The following MIOS variants were observed in gnomAD, a reference collection of about 807,000 sequenced individuals.
MIOS encodes the protein meiosis regulator for oocyte development, also known as GATOR2 complex protein MIOS.
A neutral mutation model predicts 96.9 loss-of-function variants in MIOS; 52 were observed. That is an observed-to-expected ratio of 0.54 (90% CI 0.43 to 0.68). The LOEUF is 0.68. MIOS is among the 30% of genes least tolerant of loss of function. The probability of loss-of-function intolerance (pLI) is 0.00; values close to 1 mark genes in which losing one functional copy is unlikely to be tolerated. For synonymous variants in MIOS, 397 were observed against 359.5 expected, an observed-to-expected ratio of 1.10 and a Z score of -1.18; for missense variants, 1,005 against 1,052.8, an observed-to-expected ratio of 0.95 and a Z score of 0.63.
In MIOS at chr7:7,608,176, T is replaced by G. The variant is rs1344247897; in HGVS notation, c.*1084T>G. 1 of 145,502 alleles carries G rather than the reference T, an allele frequency of 6.9e-6. No homozygotes were observed. Among genetic ancestry groups the G allele is most frequent in the Non-Finnish European group, 1.5e-5 (1 of 65,848 alleles). 9.0% of individuals were successfully genotyped at this position (145,502 alleles called of 1,614,324 possible). ...ACTTTATTTAAAACATTTTTTTTTC[T>G]CATTTCATAGCTAGATAGTTGTAAG... On this transcript the variant is annotated 3_prime_UTR_variant, in exon 13 of 13. Coordinates refer to ENST00000340080, the MANE Select transcript of MIOS (RefSeq NM_019005.4).
chr7:7,585,558 C>A, intron 6 of MIOS, 78 bp from the exon 7 acceptor site: 1 of 1,317,198 alleles, frequency 7.6e-7, no homozygotes, highest in South Asian at 1.9e-5. Context: ...CCTCTGATTT[C>A]TATTTATGGT....
rs755446215 is a variant in MIOS at position 7,574,215 on chromosome 7, A to C, written c.1393+19A>C. On this transcript the variant is annotated intron_variant, in intron 5 of 12. Coordinates refer to ENST00000340080, the MANE Select transcript of MIOS (RefSeq NM_019005.4). ...TCGTTGGGTAAGAAAATTCTATTTC[A>C]TTTTCTCCAATATGTTTATAACTTT... 3.3e-6 allele frequency: 5 copies of C among 1,533,588 alleles called. No individual in the cohort carries two copies. Among genetic ancestry groups the C allele is most frequent in the Non-Finnish European group, 3.6e-6 (4 of 1,117,068 alleles). 95.0% of individuals were successfully genotyped at this position (1,533,588 alleles called of 1,614,324 possible).
intron 5 of MIOS, among the ~76,000 whole-genome samples, chr7:7,574,989 G>A (rs540142452): frequency 5.9e-4 from 90 of 152,074 alleles, no homozygotes; most frequent in Non-Finnish European, 1.1e-3. Flanking sequence ...AAAATGCTCC[G>A]ATGAGCATTT....
chr7:7,585,798 G>C lies in MIOS; in HGVS notation c.1811G>C (p.Gly604Ala), dbSNP rs1376602464. 1.9e-6 allele frequency: 3 copies of C among 1,604,098 alleles called. No homozygotes were observed. Among genetic ancestry groups the C allele is most frequent in the South Asian group, 2.3e-5 (2 of 88,766 alleles). ...FLTSETGSYD[G>A]VLYENKVAVR... Reference sequence around the variant, plus strand: ...ACAAGTGAAACAGGATCTTACGATGGAGTTTTGGTAAGCTAACTTGTTTTT... The same window carrying C: ...ACAAGTGAAACAGGATCTTACGATGCAGTTTTGGTAAGCTAACTTGTTTTT... The change falls in exon 7 of 13, where the codon GGA becomes GCA. Residue 604 changes from glycine (G) to alanine (A), a missense_variant. By Grantham distance (60) the Gly-to-Ala change is moderately conservative. Transcript: ENST00000340080.
intron 11 of MIOS, among the ~76,000 whole-genome samples, chr7:7,598,386 C>G (rs148038788): frequency 6.6e-6 from 1 of 151,804 alleles, no homozygotes; most frequent in African/African-American, 2.4e-5. Flanking sequence ...ATTGGCTTAG[C>G]GATTATTTTT....
chr7:7,597,629 C>G (rs146622119), intron 11 of MIOS, among the ~76,000 whole-genome samples: 1 of 150,732 alleles, frequency 6.6e-6, no homozygotes, highest in African/African-American at 2.4e-5. Context: ...TACTCTGGTC[C>G]TAATAAACAG....
intron 12 of MIOS, among the ~76,000 whole-genome samples, 172 bp downstream of exon 12, chr7:7,606,243 G>A (rs1289722251): frequency 6.6e-6 from 1 of 152,166 alleles, no homozygotes. Flanking sequence ...GATATCCTAT[G>A]TAACCTTAAA....
In MIOS at chr7:7,585,430, T is replaced by TC. The variant is rs1234330954; in HGVS notation, c.1649-205dup. ...CAAACCCCCCCCTTTTTTTTTTTTT[T>TC]CAAGAGTAAAGTGCAACTTTATTAA... is the stretch of plus-strand genomic sequence containing the variant. On this transcript the variant is annotated intron_variant, in intron 6 of 12. Transcript: ENST00000340080. Among the ~76,000 whole-genome samples, 420 of 144,140 alleles carry TC rather than the reference T, an allele frequency of 2.9e-3. 1 individual carries two copies. Among genetic ancestry groups the TC allele is most frequent in the African/African-American group, 9.8e-3 (384 of 39,184 alleles). 94.6% of individuals were successfully genotyped at this position (144,140 alleles called of 152,430 possible).
intron 11 of MIOS, among the ~76,000 whole-genome samples, chr7:7,597,521 G>T (rs1401579282): frequency 2.6e-5 from 1 of 38,538 alleles, no homozygotes; most frequent in Non-Finnish European, 5.4e-5. Context: ...TATATATGAA[G>T]GCAATACGTA....
At position 7,589,519 on chromosome 7, in the gene MIOS, G is replaced by A. The variant is rs1233002624; in HGVS notation, c.1999G>A (p.Asp667Asn). 1.2e-6 allele frequency: 2 copies of A among 1,613,090 alleles called. No homozygotes were observed. The highest frequency in any genetic ancestry group is 1.7e-5 in the Admixed American group (1 of 60,020). ...DGVDLMESYV[D>N]RTGDVQTASY... ...AGTGGACTTAATGGAGAGTTATGTT[G>A]ATAGAACTGGAGATGTTCAAACAGC... Residue 667 changes from aspartate to asparagine, a missense_variant, in exon 9 of 13, where the codon GAT becomes AAT. Physicochemically the swap from Asp to Asn is conservative, Grantham distance 23. Coordinates refer to ENST00000340080, the MANE Select transcript of MIOS (RefSeq NM_019005.4).
At chr7:7,570,600 T>C (rs1450106119) in intron 3 of MIOS, among the ~76,000 whole-genome samples, 1 of 151,940 alleles carries the variant, frequency 6.6e-6, no homozygotes, top group Admixed American at 6.6e-5. Flanking sequence ...GTGGGAGCCC[T>C]GAGCTTGTTT....
chr7:7,605,815 T>C lies in MIOS; in HGVS notation c.2402-127T>C, dbSNP rs1047296325. 3.5e-5 allele frequency: 33 copies of C among 947,806 alleles called. 1 individual carries two copies. The highest frequency in any genetic ancestry group is 6.3e-4 in the Middle Eastern group (2 of 3,198). 58.7% of individuals were successfully genotyped at this position (947,806 alleles called of 1,614,324 possible). On this transcript the variant is annotated intron_variant, in intron 11 of 12. Coordinates refer to ENST00000340080, the MANE Select transcript of MIOS (RefSeq NM_019005.4). The stretch of plus-strand genomic sequence containing the variant: ...GCTTCATCTAAACTAGAACCTACCA[T>C]CAAAATTGCTATTTCAATATGATGT...
rs373172527 is a variant in MIOS at position 7,589,413 on chromosome 7, A to G, written c.1893A>G (p.Arg631=). ...CKFLSDTQLN[R]YIEKLTNEMK... ...CACTTTAAATTTTCCAGTTAAATAG[A>G]TACATCGAAAAGTTGACCAATGAAA... Residue 631 remains arginine, a synonymous_variant, in exon 9 of 13, where the codon AGA becomes AGG. Coordinates refer to ENST00000340080, the MANE Select transcript of MIOS (RefSeq NM_019005.4). 44 of 1,613,216 alleles carry G rather than the reference A, an allele frequency of 2.7e-5. No homozygotes were observed. The highest frequency in any genetic ancestry group is 3.4e-5 in the Non-Finnish European group (40 of 1,179,430).
At chr7:7,578,730 A>G (rs1783616142) in intron 5 of MIOS, among the ~76,000 whole-genome samples, 1 of 150,682 alleles carries the variant, frequency 6.6e-6, no homozygotes. Context: ...TTTTTTGGAG[A>G]CAGAGTCTCT....
intron 7 of MIOS, among the ~76,000 whole-genome samples, chr7:7,586,752 A>G (rs1311096928): frequency 1.3e-5 from 2 of 152,186 alleles, no homozygotes; most frequent in Non-Finnish European, 2.9e-5. Flanking sequence ...ATTCAAATTA[A>G]TACGTATAAT....
intron 7 of MIOS, among the ~76,000 whole-genome samples, chr7:7,587,672 A>T (rs888341854): frequency 6.6e-6 from 1 of 152,150 alleles, no homozygotes; most frequent in African/African-American, 2.4e-5. Context: ...AGTTAAATCT[A>T]GTTATATGAA....
At chr7:7,601,271 A>G (rs1784370209) in intron 11 of MIOS, among the ~76,000 whole-genome samples, 1 of 152,048 alleles carries the variant, frequency 6.6e-6, no homozygotes, top group African/African-American at 2.4e-5. Context: ...AAATCAATGA[A>G]TCCAGGAGCT....
At position 7,572,218 on chromosome 7, in the gene MIOS, G is replaced by C. The variant is rs10236767; in HGVS notation, c.-40-218G>C. On this transcript the variant is annotated intron_variant, in intron 3 of 12. Coordinates refer to ENST00000340080, the MANE Select transcript of MIOS (RefSeq NM_019005.4). This position sits in a 1 kb window ranked among gnomAD's most constrained non-coding sequence, Gnocchi z 4.8. ...AAATATAGCCAGGATGGGATTCTCAGATTCCTACCAGCTCATTTTATTGGA... is the reference window on the plus strand; with the variant it reads ...AAATATAGCCAGGATGGGATTCTCACATTCCTACCAGCTCATTTTATTGGA... Among the ~76,000 whole-genome samples, 106,577 of 152,022 alleles carry C rather than the reference G, an allele frequency of 0.7. 37,409 individuals carry two copies. Among genetic ancestry groups the C allele is most frequent in the Admixed American group, 0.77 (11,777 of 15,284 alleles).
intron 11 of MIOS, among the ~76,000 whole-genome samples, chr7:7,599,063 G>A (rs930093773): frequency 3.3e-5 from 5 of 151,906 alleles, no homozygotes; most frequent in South Asian, 2.1e-4. Context: ...CATAGTTAAC[G>A]AATATAAAAT....
Sources: gnomAD v4.1 joint callset for allele counts (sites outside exome capture counted in the v4.1 genomes callset) on GRCh38, gnomAD v4.1.1 for gene constraint, Gnocchi (gnomAD v3.1) non-coding constraint, MANE v1.5 for transcripts, NCBI Gene and HGNC (gene_info 2026-07-23, HGNC 2026-07-21) for gene names.